PLCG2: variants seen among roughly 807,000 people sequenced by gnomAD.
PLCG2 encodes phospholipase C gamma 2, also known as 1-phosphatidylinositol 4,5-bisphosphate phosphodiesterase gamma-2.
In PLCG2, 69 loss-of-function variants were observed where a neutral mutation model predicts 175.6. That is an observed-to-expected ratio of 0.39 (90% CI 0.32 to 0.48). The LOEUF (loss-of-function observed/expected upper bound fraction) is 0.48. Among genes scored for constraint, PLCG2 ranks in the 20% least tolerant of loss-of-function variants. PLCG2 has a pLI of 0.91. For missense variants in PLCG2, 1,798 were observed against 1,650.9 expected (o/e 1.09, Z -1.54); for synonymous variants, 827 against 624.0 (o/e 1.33, Z -4.85).
intron 2 of PLCG2, among the ~76,000 whole-genome samples, chr16:81,772,159 C>T (rs1354808398): frequency 6.6e-6 from 1 of 152,044 alleles, no homozygotes; most frequent in Admixed American, 6.6e-5. Flanking sequence ...GGTGGACACT[C>T]AATCAGAGGA....
intron 22 of PLCG2, among the ~76,000 whole-genome samples, chr16:81,924,895 G>A (rs774485257): frequency 1.3e-5 from 2 of 152,204 alleles, no homozygotes; most frequent in African/African-American, 4.8e-5. Context: ...TCAGAGGCTC[G>A]GCTTTGCCGA....
intron 9 of PLCG2, among the ~76,000 whole-genome samples, chr16:81,887,276 C>T (rs1263494966): frequency 5.3e-5 from 8 of 152,252 alleles, no homozygotes; most frequent in South Asian, 2.1e-4. Flanking sequence ...CCCGCCACCA[C>T]GCCCAGCTAA....
chr16:81,786,967 T>C (rs1041528568), intron 2 of PLCG2, among the ~76,000 whole-genome samples: 2 of 152,250 alleles, frequency 1.3e-5, no homozygotes, highest in Non-Finnish European at 2.9e-5. Flanking sequence ...TATGCTTGCA[T>C]AATGTGTGGG....
intron 19 of PLCG2, among the ~76,000 whole-genome samples, chr16:81,915,749 G>A (rs895507409): frequency 6.6e-6 from 1 of 152,142 alleles, no homozygotes; most frequent in Non-Finnish European, 1.5e-5. Flanking sequence ...GGAAGGAGCC[G>A]GAACCTGACC....
chr16:81,955,383 A>T (rs943081661), intron 31 of PLCG2, among the ~76,000 whole-genome samples: 6 of 152,154 alleles, frequency 3.9e-5, no homozygotes, highest in Non-Finnish European at 1.5e-5. Context: ...GGAAAGGCCA[A>T]TTGACTTGAC....
At chr16:81,822,635 T>C (rs752220681) in intron 2 of PLCG2, among the ~76,000 whole-genome samples, 1 of 151,692 alleles carries the variant, frequency 6.6e-6, no homozygotes, top group African/African-American at 2.4e-5. Flanking sequence ...CGTGTACCTG[T>C]AATCCCAGCT....
intron 2 of PLCG2, among the ~76,000 whole-genome samples, chr16:81,790,178 C>T (rs1158452117): frequency 6.6e-6 from 1 of 152,160 alleles, no homozygotes; most frequent in East Asian, 1.9e-4. Flanking sequence ...GTGTGACAGG[C>T]ACTCAGTTGT....
intron 2 of PLCG2, among the ~76,000 whole-genome samples, chr16:81,853,372 T>C (rs559309631): frequency 8.6e-5 from 13 of 151,746 alleles, no homozygotes; most frequent in Admixed American, 7.9e-4. Context: ...CATTAGACCC[T>C]GAACTGGTAC....
At chr16:81,899,730 G>A (rs915450313) in intron 13 of PLCG2, among the ~76,000 whole-genome samples, 1 of 152,194 alleles carries the variant, frequency 6.6e-6, no homozygotes, top group African/African-American at 2.4e-5. Flanking sequence ...GCTGTGATGT[G>A]CCCGATGGAG....
chr16:81,801,053 G>A (rs146000413), intron 2 of PLCG2, among the ~76,000 whole-genome samples: 4 of 152,246 alleles, frequency 2.6e-5, no homozygotes, highest in Admixed American at 6.5e-5. Flanking sequence ...TTGTCCCAGT[G>A]ATGCCTTGAT....
At chr16:81,897,235 A>G (rs1281164797) in intron 13 of PLCG2, among the ~76,000 whole-genome samples, 1 of 152,264 alleles carries the variant, frequency 6.6e-6, no homozygotes, top group African/African-American at 2.4e-5. Context: ...GGCCTTCTAT[A>G]GGCTCATTGG....
intron 2 of PLCG2, among the ~76,000 whole-genome samples, chr16:81,764,838 C>T (rs1910111637): frequency 6.6e-6 from 1 of 152,064 alleles, no homozygotes; most frequent in Admixed American, 6.6e-5. Flanking sequence ...TCCCGTAATC[C>T]CAGTACTTTG....
intron 24 of PLCG2, 109 bp from the exon 25 acceptor site, chr16:81,931,388 A>G (rs1197947787): frequency 5.0e-6 from 5 of 1,006,346 alleles, no homozygotes; most frequent in Admixed American, 2.1e-5. Context: ...AACCGTGGTC[A>G]TAGCAGTGGT....
rs1481455559 is a variant in PLCG2 at position 81,822,749 on chromosome 16, G to A, written c.194-31695G>A. Among the ~76,000 whole-genome samples, 11 of 79,974 alleles carry A rather than the reference G, an allele frequency of 1.4e-4. No individual in the cohort carries two copies. The East Asian group carries it at 3.0e-3, about 22-fold the overall frequency. The allele number at this position is 79,974 out of a possible 152,430, so 52.5% of individuals were successfully genotyped here. A position where few individuals can be genotyped will look rare whatever the true frequency, so the allele number is the denominator to read the frequency against. On this transcript the variant is annotated intron_variant, in intron 2 of 32. Coordinates refer to ENST00000564138, the MANE Select transcript of PLCG2 (RefSeq NM_002661.5). ...GCACTCCAGCCTGGGAGACAAGAGC[G>A]AGACTCCATCTCAAAAAAAAAAAAA... is the stretch of plus-strand genomic sequence containing the variant.
At chr16:81,772,436 G>A in intron 2 of PLCG2, among the ~76,000 whole-genome samples, 1 of 152,058 alleles carries the variant, frequency 6.6e-6, no homozygotes, top group Non-Finnish European at 1.5e-5. Context: ...AAGTCACCAA[G>A]TTCATGGTAA....
chr16:81,938,589 C>G (rs1256328032), intron 28 of PLCG2: 1 of 566,876 alleles, frequency 1.8e-6, no homozygotes, highest in South Asian at 2.3e-5. Context: ...CATATGGGGC[C>G]GAGACCCAGG....
intron 2 of PLCG2, chr16:81,767,531 C>G (rs76489180): frequency 6.6e-6 from 1 of 152,064 alleles, no homozygotes; most frequent in African/African-American, 2.4e-5. Flanking sequence ...CTGATCACTT[C>G]TTCTTCTTCT....
chr16:81,907,924 TC>T, intron 16 of PLCG2, 150 bp downstream of exon 16: 5 of 599,270 alleles, frequency 8.3e-6, no homozygotes, highest in South Asian at 3.9e-5. Context: ...GGGTACCATG[TC>T]CTGGCTGGCT....
chr16:81,927,947 T>TA (rs1404576469), intron 23 of PLCG2, among the ~76,000 whole-genome samples: 1 of 152,162 alleles, frequency 6.6e-6, no homozygotes, highest in African/African-American at 2.4e-5. Flanking sequence ...GAGTTGCCCT[T>TA]ACCTGTACAT....
Sources: gnomAD v4.1 joint callset for allele counts (sites outside exome capture counted in the v4.1 genomes callset) on GRCh38, gnomAD v4.1.1 for gene constraint, MANE v1.5 for transcripts, NCBI Gene and HGNC (gene_info 2026-07-23, HGNC 2026-07-21) for gene names.